Variants in GNG7 observed in about 807,000 individuals in gnomAD.
The protein encoded by GNG7 is guanine nucleotide-binding protein G(I)/G(S)/G(O) subunit gamma-7.
A neutral mutation model predicts 4.0 loss-of-function variants in GNG7; 1 was observed. That is an observed-to-expected ratio of 0.25 (90% CI 0.09 to 1.18). GNG7 has a LOEUF of 1.18. Ranked by LOEUF, GNG7 falls within the 50% of genes most tolerant of loss-of-function variation. The pLI is 0.50. For missense variants in GNG7, 86 were observed against 91.9 expected (o/e 0.94, Z 0.26); for synonymous variants, 34 against 36.9 (o/e 0.92, Z 0.29).
At chr19:2,597,371 C>A (rs907186081) in intron 2 of GNG7, among the ~76,000 whole-genome samples, 1 of 151,734 alleles carries the variant, frequency 6.6e-6, no homozygotes, top group African/African-American at 2.4e-5. Context: ...CCGAGGCAGG[C>A]GGATCACCTA....
chr19:2,693,667 G>A (rs1913183680), intron 1 of GNG7, among the ~76,000 whole-genome samples: 1 of 152,046 alleles, frequency 6.6e-6, no homozygotes, highest in African/African-American at 2.4e-5. Context: ...AGTGTCCATG[G>A]CATCCACCCA....
intron 2 of GNG7, chr19:2,643,410 T>C (rs1383166347): frequency 7.2e-6 from 3 of 415,664 alleles, no homozygotes; most frequent in Admixed American, 2.7e-5. Context: ...CCCTGCACCA[T>C]GTCCACTGGA....
At chr19:2,615,857 C>T (rs1981710288) in intron 2 of GNG7, among the ~76,000 whole-genome samples, 1 of 152,192 alleles carries the variant, frequency 6.6e-6, no homozygotes, top group Non-Finnish European at 1.5e-5. Context: ...GCGGAGGAGG[C>T]AGGAGGGTTC....
Position 2,511,300 on chromosome 19 carries a change from A to G in GNG7, c.*3722T>C, listed in dbSNP as rs1441437562. 1 of 152,256 alleles carries G rather than the reference A, an allele frequency of 6.6e-6. No individual in the cohort carries two copies. The highest frequency in any genetic ancestry group is 1.5e-5 in the Non-Finnish European group (1 of 68,068). The allele number at this position is 152,256 out of a possible 1,614,324, so 9.4% of individuals were successfully genotyped here. A position where few individuals can be genotyped will look rare whatever the true frequency, so the allele number is the denominator to read the frequency against. Reference sequence around the variant, plus strand: ...ACACAATATTAAAACACTGCGAGAAAGTGGGTGCGGCACACCTGGAATTTT... The same window carrying G: ...ACACAATATTAAAACACTGCGAGAAGGTGGGTGCGGCACACCTGGAATTTT... On this transcript the variant is annotated 3_prime_UTR_variant, in exon 5 of 5. Coordinates refer to ENST00000382159, the MANE Select transcript of GNG7 (RefSeq NM_052847.3). The surrounding 1 kb of genome is among the most constrained non-coding windows in gnomAD (Gnocchi z 6.3).
intron 2 of GNG7, among the ~76,000 whole-genome samples, chr19:2,599,394 G>C (rs1981131743): frequency 6.6e-6 from 1 of 152,122 alleles, no homozygotes; most frequent in Admixed American, 6.5e-5. Flanking sequence ...TGGTGGGGAA[G>C]AGCATTTCTA....
At chr19:2,579,136 C>T (rs1178411660) in intron 2 of GNG7, among the ~76,000 whole-genome samples, 1 of 152,270 alleles carries the variant, frequency 6.6e-6, no homozygotes, top group African/African-American at 2.4e-5. Context: ...TTTGGGGCTC[C>T]GCCTCAGCAT....
intron 2 of GNG7, among the ~76,000 whole-genome samples, chr19:2,563,933 C>T (rs1335301023): frequency 6.7e-6 from 1 of 149,286 alleles, no homozygotes; most frequent in Admixed American, 6.7e-5. Flanking sequence ...AGCAGCATTG[C>T]AAATCAAGGA....
At chr19:2,524,522 G>A (rs890933897) in intron 3 of GNG7, among the ~76,000 whole-genome samples, 1 of 152,266 alleles carries the variant, frequency 6.6e-6, no homozygotes, top group Non-Finnish European at 1.5e-5. Flanking sequence ...ATATGCGTGT[G>A]TGCACACATA....
intron 2 of GNG7, among the ~76,000 whole-genome samples, chr19:2,587,099 G>T (rs567418333): frequency 4.0e-5 from 6 of 151,464 alleles, no homozygotes; most frequent in Admixed American, 1.3e-4. Flanking sequence ...GGCCCCAGAC[G>T]TCACCCGATG....
At chr19:2,682,189 G>A (rs181860463) in intron 1 of GNG7, among the ~76,000 whole-genome samples, 16 of 152,034 alleles carry the variant, frequency 1.1e-4, no homozygotes, top group Admixed American at 5.9e-4. Context: ...GATTACAGGC[G>A]TGAGCCACCG....
intron 1 of GNG7, among the ~76,000 whole-genome samples, chr19:2,664,391 G>A (rs1478935249): frequency 3.3e-5 from 5 of 152,198 alleles, no homozygotes; most frequent in East Asian, 3.8e-4. Context: ...AGGTGCAGGC[G>A]CAGGGGAGGT....
chr19:2,654,179 G>A (rs565970526), intron 1 of GNG7, among the ~76,000 whole-genome samples: 3 of 152,210 alleles, frequency 2.0e-5, no homozygotes, highest in Non-Finnish European at 4.4e-5. Context: ...GAGGAGAGGC[G>A]GAGAGGAAAG....
intron 2 of GNG7, among the ~76,000 whole-genome samples, chr19:2,573,018 CCTTT>C (rs1160104675): frequency 2.0e-5 from 3 of 148,094 alleles, no homozygotes; most frequent in Non-Finnish European, 4.5e-5. Context: ...GGAAATTTCT[CCTTT>C]TTTTTTTTTT....
rs576344432 is a variant in GNG7 at position 2,533,011 on chromosome 19, T to G, written c.-37-12286A>C. Among the ~76,000 whole-genome samples, 3 of 152,200 alleles carry G rather than the reference T, an allele frequency of 2.0e-5. No homozygotes were observed. In the South Asian group the frequency reaches 6.2e-4, roughly 31 times the overall value. On this transcript the variant is annotated intron_variant, in intron 3 of 4. Coordinates refer to ENST00000382159, the MANE Select transcript of GNG7 (RefSeq NM_052847.3). Reference sequence around the variant, plus strand: ...CTTGTACGAGATGTTCATAAGCTTTTACTCATAACAGCAAAACCTGGAAAC... The same window carrying G: ...CTTGTACGAGATGTTCATAAGCTTTGACTCATAACAGCAAAACCTGGAAAC...
rs71178282 is a variant in GNG7 at position 2,519,146 on chromosome 19, CT to C, written c.81+1461del. ...TGTGAAGGTTGTTTTTTTCTTGTTTCTTTTTTTTTTTTTTTTTTTTTTGAGA... is the reference window on the plus strand; with the variant it reads ...TGTGAAGGTTGTTTTTTTCTTGTTTCTTTTTTTTTTTTTTTTTTTTTGAGA... On this transcript the variant is annotated intron_variant, in intron 4 of 4. Transcript: ENST00000382159. Among the ~76,000 whole-genome samples, 510 of 84,532 alleles carry C rather than the reference CT, an allele frequency of 6.0e-3. 2 individuals carry two copies. The highest frequency in any genetic ancestry group is 0.022 in the African/African-American group (469 of 21,366). 55.5% of individuals were successfully genotyped at this position (84,532 alleles called of 152,430 possible).
At chr19:2,562,636 C>T (rs1481503477) in intron 2 of GNG7, among the ~76,000 whole-genome samples, 1 of 152,182 alleles carries the variant, frequency 6.6e-6, no homozygotes, top group African/African-American at 2.4e-5. Context: ...CCTCCACACA[C>T]TCCATGCCAG....
At chr19:2,575,540 G>A (rs1048296365) in intron 2 of GNG7, among the ~76,000 whole-genome samples, 1 of 89,872 alleles carries the variant, frequency 1.1e-5, no homozygotes, top group African/African-American at 4.9e-5. Context: ...CACGCAGACA[G>A]GCAGGCACAC....
Position 2,633,843 on chromosome 19 carries a change from T to C in GNG7, c.-78+12381A>G, listed in dbSNP as rs1444484558. 1.3e-5 allele frequency among the ~76,000 whole-genome samples: 2 copies of C among 152,062 alleles called. No homozygotes were observed. Among genetic ancestry groups the C allele is most frequent in the Non-Finnish European group, 2.9e-5 (2 of 67,994 alleles). ...GTGGGCATTTGGGGCTGAATCATTCTTGGTTGTGGGGCTGCCCCGGGCACT... is the reference window on the plus strand; with the variant it reads ...GTGGGCATTTGGGGCTGAATCATTCCTGGTTGTGGGGCTGCCCCGGGCACT... On this transcript the variant is annotated intron_variant, in intron 2 of 4. Transcript: ENST00000382159. The surrounding 1 kb of genome is among the most constrained non-coding windows in gnomAD (Gnocchi z 5.9).
chr19:2,668,550 C>A (rs994905050), intron 1 of GNG7, among the ~76,000 whole-genome samples: 1 of 152,154 alleles, frequency 6.6e-6, no homozygotes, highest in African/African-American at 2.4e-5. Context: ...GCCCCCGGAA[C>A]ACCCGAGGCC....
Sources: gnomAD v4.1 joint callset for allele counts (sites outside exome capture counted in the v4.1 genomes callset) on GRCh38, gnomAD v4.1.1 for gene constraint, Gnocchi (gnomAD v3.1) non-coding constraint, MANE v1.5 for transcripts, NCBI Gene and HGNC (gene_info 2026-07-23, HGNC 2026-07-21) for gene names.